The following NIPBL variants were observed in gnomAD, a reference collection of about 807,000 sequenced individuals.
The protein encoded by NIPBL is nipped-B-like protein.
Under a neutral mutation model 321.8 loss-of-function variants are expected in NIPBL, and 19 were observed. That is an observed-to-expected ratio of 0.06 (90% confidence interval 0.04 to 0.09). The LOEUF (loss-of-function observed/expected upper bound fraction) is 0.09, where lower values mean the gene tolerates loss of function less well. NIPBL is among the 10% of genes least tolerant of loss of function. The pLI, the probability that NIPBL is intolerant of heterozygous loss-of-function variation, is 1.00. For missense variants in NIPBL, 2,210 were observed against 3,327.0 expected (o/e 0.66, Z 8.26); for synonymous variants, 1,106 against 1,114.1 (o/e 0.99, Z 0.14).
At chr5:36,967,189 A>T (rs1162620505) in intron 6 of NIPBL, among the ~76,000 whole-genome samples, 1 of 152,128 alleles carries the variant, frequency 6.6e-6, no homozygotes, top group African/African-American at 2.4e-5. Flanking sequence ...GATTTAATAA[A>T]TATATGAAAT....
Position 36,937,613 on chromosome 5 carries a change from A to G in NIPBL, c.-79-16005A>G, listed in dbSNP as rs866326589. Reference sequence around the variant, plus strand: ...AAACAGATCTTTAGTTTTTTTAGGAATGCTATTAAGGACCTTCTCCATTAT... The same window carrying G: ...AAACAGATCTTTAGTTTTTTTAGGAGTGCTATTAAGGACCTTCTCCATTAT... On this transcript the variant is annotated intron_variant, in intron 1 of 46. Coordinates refer to ENST00000282516, the MANE Select transcript of NIPBL (RefSeq NM_133433.4). Among the ~76,000 whole-genome samples, 31 of 152,276 alleles carry G rather than the reference A, an allele frequency of 2.0e-4. No individual in the cohort carries two copies. In the Middle Eastern group the frequency reaches 0.01, roughly 50 times the overall value.
In NIPBL at chr5:36,962,158, G is replaced by A. The variant is rs1355970346; in HGVS notation, c.494G>A (p.Arg165Lys). 3.1e-6 allele frequency: 5 copies of A among 1,614,002 alleles called. No individual in the cohort carries two copies. In the East Asian group the frequency reaches 6.7e-5, roughly 22 times the overall value. The part of the protein sequence containing the change: ...FVPPQTSSGN[R>K]FMPQQNSPVP... ...CCACCACAGACAAGCTCTGGGAACAGATTTATGCCACAGCAAAATAGCCCA... is the reference window on the plus strand; with the variant it reads ...CCACCACAGACAAGCTCTGGGAACAAATTTATGCCACAGCAAAATAGCCCA... The change falls in exon 6 of 47, where the codon AGA becomes AAA. Residue 165 changes from arginine to lysine, a missense_variant. Physicochemically the swap from Arg to Lys is conservative, Grantham distance 26 (BLOSUM62 2). Transcript: ENST00000282516.
Position 37,008,700 on chromosome 5 carries a change from C to T in NIPBL, c.4398C>T (p.Ser1466=), listed in dbSNP as rs1264049118. The T allele has an allele frequency of 1.2e-6, 2 of 1,600,888 alleles. No homozygotes were observed. The part of the protein sequence containing the change: ...IFTSLARLPT[S]KRSLRNFRLN... ...CTTCACTTGCAAGATTACCAACCAG[C>T]AAGAGGAGTTTAAGGAACTTCAGGT... is the stretch of plus-strand genomic sequence containing the variant. The change falls in exon 20 of 47, where the codon AGC becomes AGT. Residue 1466 remains serine, a synonymous_variant. Coordinates refer to ENST00000282516, the MANE Select transcript of NIPBL (RefSeq NM_133433.4).
chr5:36,931,013 G>C (rs1006777060), intron 1 of NIPBL, among the ~76,000 whole-genome samples: 5 of 152,116 alleles, frequency 3.3e-5, no homozygotes, highest in African/African-American at 1.2e-4. Context: ...CATTGTCTCT[G>C]TCTGGCTTTG....
rs192822119 is a variant in NIPBL at position 36,970,943 on chromosome 5, G to T, written c.678G>T (p.Pro226=). The stretch of plus-strand genomic sequence containing the variant: ...TACATGATAATAAAGTTTCTGGTCC[G>T]TTGTCTGGCAATTCAGCTAATCATC... ...RNIHDNKVSG[P]LSGNSANHHA... is the part of the protein sequence containing the mutation. The change falls in exon 7 of 47, where the codon CCG becomes CCT. Residue 226 remains proline, a synonymous_variant. Coordinates refer to ENST00000282516, the MANE Select transcript of NIPBL (RefSeq NM_133433.4). The T allele has an allele frequency of 1.2e-5, 20 of 1,613,520 alleles. No individual in the cohort carries two copies. The highest frequency in any genetic ancestry group is 6.7e-5 in the Admixed American group (4 of 60,008).
At chr5:37,052,593 G>A in intron 42 of NIPBL, 27 bp downstream of exon 42, 1 of 1,560,578 alleles carries the variant, frequency 6.4e-7, no homozygotes, top group Non-Finnish European at 8.8e-7. Context: ...ATTATTTTAA[G>A]AAAATAAGTG....
At chr5:37,007,610 C>A in intron 18 of NIPBL, 136 bp downstream of exon 18, 2 of 612,708 alleles carry the variant, frequency 3.3e-6, no homozygotes, top group South Asian at 2.5e-5. Flanking sequence ...ATATCTAAAT[C>A]GAAGAAATAA....
At chr5:36,991,775 A>G (rs1745550313) in intron 10 of NIPBL, among the ~76,000 whole-genome samples, 1 of 149,632 alleles carries the variant, frequency 6.7e-6, no homozygotes, top group South Asian at 2.1e-4. Context: ...AGGATTTATA[A>G]AATTTGGAGG....
chr5:36,983,788 T>C (rs994266310), intron 9 of NIPBL, among the ~76,000 whole-genome samples: 7 of 151,986 alleles, frequency 4.6e-5, no homozygotes, highest in African/African-American at 1.7e-4. Context: ...TCACATTTTA[T>C]TGTAATGGTG....
At chr5:37,039,917 C>T (rs1752141317) in intron 34 of NIPBL, among the ~76,000 whole-genome samples, 1 of 152,078 alleles carries the variant, frequency 6.6e-6, no homozygotes, top group South Asian at 2.1e-4. Flanking sequence ...ATAATTGTGG[C>T]TAATAATAGC....
At chr5:36,930,783 C>G (rs1336851904) in intron 1 of NIPBL, among the ~76,000 whole-genome samples, 1 of 151,992 alleles carries the variant, frequency 6.6e-6, no homozygotes, top group Non-Finnish European at 1.5e-5. Flanking sequence ...TTTTCTGTGT[C>G]TTTCAAAATG....
intron 6 of NIPBL, among the ~76,000 whole-genome samples, chr5:36,963,162 T>C (rs1436452889): frequency 6.6e-6 from 1 of 152,162 alleles, no homozygotes; most frequent in African/African-American, 2.4e-5. Context: ...TCATGGTTAC[T>C]AAATAATTGA....
intron 6 of NIPBL, among the ~76,000 whole-genome samples, chr5:36,968,269 T>G (rs935936101): frequency 6.6e-6 from 1 of 151,980 alleles, no homozygotes; most frequent in Non-Finnish European, 1.5e-5. Context: ...TCAGAAAGAT[T>G]CAACTTCCAT....
chr5:37,012,133 A>C (rs1748201834), intron 21 of NIPBL, among the ~76,000 whole-genome samples: 2 of 149,606 alleles, frequency 1.3e-5, no homozygotes, highest in Admixed American at 1.3e-4. Context: ...CTTAATCTTT[A>C]AATTTCTTTT....
intron 1 of NIPBL, among the ~76,000 whole-genome samples, chr5:36,915,553 A>C (rs969058492): frequency 1.4e-4 from 22 of 152,270 alleles, no homozygotes; most frequent in Middle Eastern, 3.4e-3. Context: ...TGTTCTCAAA[A>C]TCATACTCTT....
intron 1 of NIPBL, among the ~76,000 whole-genome samples, chr5:36,888,926 C>T (rs1746117371): frequency 6.6e-6 from 1 of 152,090 alleles, no homozygotes; most frequent in Non-Finnish European, 1.5e-5. Context: ...ATATTTTGCT[C>T]TAGTGCCAAG....
intron 6 of NIPBL, among the ~76,000 whole-genome samples, chr5:36,966,368 C>G (rs1185846066): frequency 6.6e-6 from 1 of 151,980 alleles, no homozygotes; most frequent in Non-Finnish European, 1.5e-5. Flanking sequence ...TATTTCCTAT[C>G]AAGTAGAAAT....
rs1216167378 is a variant in NIPBL at position 37,064,772 on chromosome 5, T to C, written c.8295T>C (p.Thr2765=). The C allele has an allele frequency of 6.2e-7, 1 of 1,614,180 alleles. No homozygotes were observed. The stretch of plus-strand genomic sequence containing the variant: ...GCAAACTGGTGCCTTGGGTAGACAC[T>C]ATTAAAGAGTCAGACATTATTTACA... ...DGRKLVPWVD[T]IKESDIIYKK... Residue 2765 remains threonine, a synonymous_variant, in exon 47 of 47, where the codon ACT becomes ACC. Transcript: ENST00000282516.
At chr5:36,959,289 T>G (rs1741328907) in intron 4 of NIPBL, among the ~76,000 whole-genome samples, 1 of 152,250 alleles carries the variant, frequency 6.6e-6, no homozygotes, top group Non-Finnish European at 1.5e-5. Flanking sequence ...ACTTCCATGA[T>G]GCTTCCCATT....
Sources: gnomAD v4.1 joint callset for allele counts (sites outside exome capture counted in the v4.1 genomes callset) on GRCh38, gnomAD v4.1.1 for gene constraint, MANE v1.5 for transcripts, NCBI Gene and HGNC (gene_info 2026-07-23, HGNC 2026-07-21) for gene names.